The following GRIP2 variants were observed in gnomAD, a reference collection of about 807,000 sequenced individuals.
GRIP2 encodes glutamate receptor interacting protein 2, also known as glutamate receptor-interacting protein 2.
A neutral mutation model predicts 108.3 loss-of-function variants in GRIP2; 58 were observed. The observed-to-expected ratio is 0.54, with a 90% confidence interval of 0.43 to 0.67. GRIP2 has a LOEUF of 0.67. GRIP2 is among the 30% of genes least tolerant of loss of function. The pLI is 0.00. For synonymous variants in GRIP2, 586 were observed against 598.2 expected, an observed-to-expected ratio of 0.98 and a Z score of 0.30; for missense variants, 1,278 against 1,430.6, an observed-to-expected ratio of 0.89 and a Z score of 1.72.
chr3:14,557,141 C>A (rs1393222298), upstream of GRIP2, among the ~76,000 whole-genome samples: 4 of 152,242 alleles, frequency 2.6e-5, no homozygotes, highest in Admixed American at 2.6e-4. Context: ...ATCCCCATCA[C>A]TTCGCAGCAA....
chr3:14,558,464 T>G (rs553056034), upstream of GRIP2, among the ~76,000 whole-genome samples: 87 of 152,100 alleles, frequency 5.7e-4, 1 homozygote, highest in South Asian at 0.018. Flanking sequence ...GTGCCTTTGG[T>G]AGGAAGAGAA....
intron 1 of GRIP2, among the ~76,000 whole-genome samples, chr3:14,549,461 T>C (rs959923364): frequency 2.0e-5 from 3 of 152,200 alleles, no homozygotes; most frequent in Admixed American, 2.0e-4. Flanking sequence ...GCGGCTTCAG[T>C]GGAGACCCAG....
the GRIP2 span, among the ~76,000 whole-genome samples, chr3:14,565,598 AG>A: frequency 0.17 from 26,161 of 152,094 alleles, 2,400 homozygotes; most frequent in Middle Eastern, 0.29. Flanking sequence ...GTGGGAGAGC[AG>A]GGTTGTGCCA....
intron 1 of GRIP2, among the ~76,000 whole-genome samples, chr3:14,532,289 G>C (rs944358902): frequency 9.9e-5 from 15 of 152,184 alleles, no homozygotes; most frequent in African/African-American, 3.6e-4. Context: ...TTTTTCATGA[G>C]GGGAGGGTCT....
In GRIP2 at chr3:14,521,673, G is replaced by C. The variant is rs117453043; in HGVS notation, c.681C>G (p.Leu227=). Residue 227 remains leucine (L), a synonymous_variant, in exon 7 of 24, where the codon CTC becomes CTG. Transcript: ENST00000621039. The surrounding 1 kb of genome is among the most constrained non-coding windows in gnomAD (Gnocchi z 5.1). The part of the protein sequence containing the change: ...ATLRQCSHEA[L]FQVEYDVATP... ...TGGCCACATCATACTCCACCTGAAA[G>C]AGTGCCTCGTGGCTGCACTGCCGCA... 2.7e-4 allele frequency: 431 copies of C among 1,612,076 alleles called. 2 individuals are homozygous for C. In the East Asian group the frequency reaches 8.2e-3, roughly 31 times the overall value.
intron 22 of GRIP2, among the ~76,000 whole-genome samples, chr3:14,495,675 G>A (rs1693578599): frequency 6.6e-6 from 1 of 152,018 alleles, no homozygotes; most frequent in African/African-American, 2.4e-5. Flanking sequence ...AAAGTGCTGG[G>A]ATTACAGGCA....
chr3:14,496,307 TG>T, intron 22 of GRIP2, 109 bp downstream of exon 22: 1 of 895,474 alleles, frequency 1.1e-6, no homozygotes, highest in Non-Finnish European at 1.6e-6. Context: ...AGTTTTGTGG[TG>T]GAGGAGACTA....
At chr3:14,588,248 T>C in the GRIP2 span, among the ~76,000 whole-genome samples, 5 of 152,134 alleles carry the variant, frequency 3.3e-5, no homozygotes, top group Admixed American at 3.3e-4. Context: ...AGCTCTGTGG[T>C]TCAGCCTGGT....
the GRIP2 span, chr3:14,574,346 A>G: frequency 1.0e-6 from 1 of 1,000,942 alleles, no homozygotes; most frequent in Admixed American, 1.8e-5. Context: ...GCACCGGCAC[A>G]GCGATGCGCT....
At chr3:14,526,842 G>C (rs556397561) in intron 1 of GRIP2, among the ~76,000 whole-genome samples, 2 of 152,310 alleles carry the variant, frequency 1.3e-5, no homozygotes, top group East Asian at 3.9e-4. Context: ...ATGATGCAGA[G>C]ATTCTCAAAA....
upstream of GRIP2, among the ~76,000 whole-genome samples, chr3:14,544,102 C>G (rs1695022018): frequency 6.6e-6 from 1 of 152,236 alleles, no homozygotes; most frequent in South Asian, 2.1e-4. Flanking sequence ...CGAATCCCAG[C>G]TCCACCACCC....
chr3:14,565,486 C>T, the GRIP2 span, among the ~76,000 whole-genome samples: 1 of 152,294 alleles, frequency 6.6e-6, no homozygotes, highest in Non-Finnish European at 1.5e-5. Flanking sequence ...CCAGCCTCCA[C>T]ATGGCAACAA....
At position 14,530,631 on chromosome 3, in the gene GRIP2, T is replaced by A. The variant is rs551244515; in HGVS notation, c.41-4700A>T. Among the ~76,000 whole-genome samples the A allele has an allele frequency of 5.3e-5, 8 of 152,362 alleles. 1 individual carries two copies. Among genetic ancestry groups the A allele is most frequent in the African/African-American group, 1.9e-4 (8 of 41,586 alleles). ...TTAAAGTGTGTTAAAGCTACAGAAATTGGATTGTTTTTCAAATTTCATTTT... is the reference window on the plus strand; with the variant it reads ...TTAAAGTGTGTTAAAGCTACAGAAAATGGATTGTTTTTCAAATTTCATTTT... On this transcript the variant is annotated intron_variant, in intron 1 of 23. Transcript: ENST00000621039.
rs764036970 is a variant in GRIP2, at chr3:14,523,038, A to T, written c.528T>A (p.Leu176=). The change falls in exon 6 of 24, where the codon CTT becomes CTA. Residue 176 remains leucine, a synonymous_variant. Coordinates refer to ENST00000621039, the MANE Select transcript of GRIP2 (RefSeq NM_001080423.4). ...AHEDGHKSRP[L]VLTYVRPGGP... ...CACCGGGCCGCACGTAGGTCAGGAC[A>T]AGCGGGCGGGACTTGTGCCCATCTT... is the stretch of plus-strand genomic sequence containing the variant. 12 of 1,613,056 alleles carry T rather than the reference A, an allele frequency of 7.4e-6. No individual in the cohort carries two copies. The African/African-American group carries it at 1.6e-4, about 22-fold the overall frequency.
chr3:14,493,951 C>T (rs1693491979), intron 23 of GRIP2, 125 bp from the exon 24 acceptor site: 3 of 872,286 alleles, frequency 3.4e-6, no homozygotes, highest in Non-Finnish European at 3.4e-6. Context: ...CCTGACATCA[C>T]CAGCACCACA....
upstream of GRIP2, among the ~76,000 whole-genome samples, chr3:14,559,399 A>G (rs1695284880): frequency 6.7e-6 from 1 of 149,712 alleles, no homozygotes; most frequent in African/African-American, 2.4e-5. Context: ...GTAAATTAGG[A>G]GTGCAGGTGA....
intron 1 of GRIP2, among the ~76,000 whole-genome samples, chr3:14,526,977 A>G (rs1694572780): frequency 6.6e-6 from 1 of 152,182 alleles, no homozygotes; most frequent in African/African-American, 2.4e-5. Context: ...ACTTGAACCC[A>G]GGGGTTCAAG....
chr3:14,507,605 A>G lies in GRIP2; in HGVS notation c.2174T>C (p.Val725Ala). The G allele has an allele frequency of 6.2e-7, 1 of 1,613,988 alleles. No individual in the cohort carries two copies. Among genetic ancestry groups the G allele is most frequent in the Non-Finnish European group, 8.5e-7 (1 of 1,179,878 alleles). Residue 725 changes from valine (V) to alanine (A), a missense_variant, in exon 18 of 24, where the codon GTG (valine) becomes GCG (alanine). Coordinates refer to ENST00000621039, the MANE Select transcript of GRIP2 (RefSeq NM_001080423.4). The surrounding 1 kb of genome is among the most constrained non-coding windows in gnomAD (Gnocchi z 4.6). ...CTTCAGTGTGACGGTCTCTCCAGCC[A>G]CCTGCAGGAGGTGGATGGCCTCGCT... ...PLSEAIHLLQ[V>A]AGETVTLKIK...
intron 17 of GRIP2, among the ~76,000 whole-genome samples, chr3:14,509,070 G>A (rs542029615): frequency 2.0e-5 from 3 of 152,242 alleles, no homozygotes; most frequent in South Asian, 2.1e-4. Flanking sequence ...AGTCTGCCAG[G>A]TGTCCAGCAG....
Sources: gnomAD v4.1 joint callset for allele counts (sites outside exome capture counted in the v4.1 genomes callset) on GRCh38, gnomAD v4.1.1 for gene constraint, Gnocchi (gnomAD v3.1) non-coding constraint, MANE v1.5 for transcripts, NCBI Gene and HGNC (gene_info 2026-07-23, HGNC 2026-07-21) for gene names.